The following LRRC4B variants were observed in gnomAD, a reference collection of about 807,000 sequenced individuals.
LRRC4B encodes leucine rich repeat containing 4B.
In LRRC4B, 1 loss-of-function variant was observed where a neutral mutation model predicts 7.3. That is an observed-to-expected ratio of 0.14 (90% CI 0.05 to 0.65). The LOEUF (loss-of-function observed/expected upper bound fraction) is 0.65, where lower values mean the gene tolerates loss of function less well. LRRC4B is among the 30% of genes least tolerant of loss of function. The pLI, the probability that LRRC4B is intolerant of heterozygous loss-of-function variation, is 0.84. For synonymous variants in LRRC4B, 500 were observed against 499.2 expected, an observed-to-expected ratio of 1.00 and a Z score of -0.02; for missense variants, 730 against 1,041.6, an observed-to-expected ratio of 0.70 and a Z score of 4.12.
chr19:50,518,783 G>T lies in LRRC4B; in HGVS notation c.930C>A (p.His310Gln). 11 of 1,614,128 alleles carry T rather than the reference G, an allele frequency of 6.8e-6. No homozygotes were observed. The highest frequency in any genetic ancestry group is 9.3e-6 in the Non-Finnish European group (11 of 1,179,988). The stretch of plus-strand genomic sequence containing the variant: ...CGTCGCAGTTGCAATGCCAGGGGTT[G>T]TGGTTGAGGTGCACGCGCTCGAGGC... ...LHRLERVHLN[H>Q]NPWHCNCDVL... The change falls in exon 3 of 3, where the codon CAC becomes CAA. Residue 310 changes from histidine (H) to glutamine (Q), a missense_variant. By Grantham distance (24) the His-to-Gln change is conservative (BLOSUM62 0). Around this residue, in one of 6 missense-constraint regions of LRRC4B, gnomAD observed 226 missense variants for 448.0 expected, o/e 0.50. Coordinates refer to ENST00000652263, the MANE Select transcript of LRRC4B (RefSeq NM_001080457.2).
intron 2 of LRRC4B, among the ~76,000 whole-genome samples, chr19:50,532,051 C>T (rs1372482117): frequency 1.3e-5 from 2 of 152,118 alleles, no homozygotes; most frequent in Admixed American, 6.6e-5. Flanking sequence ...GGTGAAACCT[C>T]GTCTCTACTA....
rs1267231496 is a variant in LRRC4B at position 50,556,695 on chromosome 19, G to C, written c.-35-7822C>G. On this transcript the variant is annotated intron_variant, in intron 1 of 2. Transcript: ENST00000652263. The surrounding 1 kb of genome is among the most constrained non-coding windows in gnomAD (Gnocchi z 4.2). ...CGTCCACGGCTGCATCCTCAAGGCC[G>C]GCCAACGGCGCTGGCCCCTCCGAGC... 2.0e-5 allele frequency among the ~76,000 whole-genome samples: 3 copies of C among 152,190 alleles called. No individual in the cohort carries two copies. Among genetic ancestry groups the C allele is most frequent in the Non-Finnish European group, 4.4e-5 (3 of 68,020 alleles).
intron 1 of LRRC4B, among the ~76,000 whole-genome samples, chr19:50,565,308 C>T (rs1463140370): frequency 6.6e-6 from 1 of 152,236 alleles, no homozygotes; most frequent in East Asian, 1.9e-4. Context: ...CACGAGGCCA[C>T]AGGACCACAA....
chr19:50,568,361 GC>G lies in LRRC4B; in HGVS notation c.-454del, dbSNP rs1457011337. 1.3e-5 allele frequency among the ~76,000 whole-genome samples: 1 copy of G among 74,748 alleles called. No homozygotes were observed. The highest frequency in any genetic ancestry group is 2.8e-5 in the Non-Finnish European group (1 of 35,624). The allele number at this position is 74,748 out of a possible 152,430, so 49.0% of individuals were successfully genotyped here. A position where few individuals can be genotyped will look rare whatever the true frequency, so the allele number is the denominator to read the frequency against. ...CACCCCCCCCCAGGCCCCGGCCCCG[GC>G]CCCGGCCCCCGCCTCGGACGGTGCG... On this transcript the variant is annotated 5_prime_UTR_variant, in exon 1 of 3. Transcript: ENST00000652263.
In LRRC4B at chr19:50,517,808, C is replaced by T. The variant is rs767664857; in HGVS notation, c.1905G>A (p.Ala635=). ...PAASAVSVAA[A]AAVASGGGVG... ...CACCACCCCCACTGGCCACGGCGGC[C>T]GCGGCGGCCACGGACACGGCCGAGG... The change falls in exon 3 of 3, where the codon GCG becomes GCA. Residue 635 remains alanine, a synonymous_variant. Transcript: ENST00000652263. This position sits in a 1 kb window ranked among gnomAD's most constrained non-coding sequence, Gnocchi z 6.6. 6 of 1,550,158 alleles carry T rather than the reference C, an allele frequency of 3.9e-6. No homozygotes were observed. The highest frequency in any genetic ancestry group is 2.8e-5 in the African/African-American group (2 of 71,622).
At chr19:50,554,768 A>T (rs1982215115) in intron 1 of LRRC4B, among the ~76,000 whole-genome samples, 1 of 152,194 alleles carries the variant, frequency 6.6e-6, no homozygotes, top group Admixed American at 6.5e-5. Flanking sequence ...GACTGCTATT[A>T]CACCCAGTTC....
Position 50,517,352 on chromosome 19 carries a change from G to C in LRRC4B, c.*219C>G, listed in dbSNP as rs939551238. ...CCTCCCGTCACCGGGGATTGGCGGG[G>C]GTGAGGCGAGGATCCCAGAGACTCC... On this transcript the variant is annotated 3_prime_UTR_variant, in exon 3 of 3. Coordinates refer to ENST00000652263, the MANE Select transcript of LRRC4B (RefSeq NM_001080457.2). This position sits in a 1 kb window ranked among gnomAD's most constrained non-coding sequence, Gnocchi z 6.6. The C allele has an allele frequency of 1.4e-4, 56 of 390,526 alleles. No individual in the cohort carries two copies. The highest frequency in any genetic ancestry group is 2.0e-4 in the Non-Finnish European group (45 of 223,380). The allele number at this position is 390,526 out of a possible 1,614,324, so 24.2% of individuals were successfully genotyped here. A position where few individuals can be genotyped will look rare whatever the true frequency, so the allele number is the denominator to read the frequency against.
chr19:50,530,136 A>C (rs1980989464), intron 2 of LRRC4B, among the ~76,000 whole-genome samples: 1 of 151,422 alleles, frequency 6.6e-6, no homozygotes, highest in South Asian at 2.1e-4. Flanking sequence ...GCCCCGCCTC[A>C]TCCTCTCTCC....
intron 2 of LRRC4B, among the ~76,000 whole-genome samples, chr19:50,531,413 G>A (rs1014999146): frequency 6.6e-6 from 1 of 152,178 alleles, no homozygotes; most frequent in African/African-American, 2.4e-5. Flanking sequence ...GAGGCTGCTC[G>A]GCGCTCAGCA....
intron 2 of LRRC4B, among the ~76,000 whole-genome samples, chr19:50,543,789 G>T (rs1981662159): frequency 7.0e-6 from 1 of 143,694 alleles, no homozygotes; most frequent in Admixed American, 7.2e-5. Flanking sequence ...GGAGGCAGAG[G>T]TTGCAGTGAG....
At chr19:50,528,260 C>G (rs1980904497) in intron 2 of LRRC4B, among the ~76,000 whole-genome samples, 1 of 152,060 alleles carries the variant, frequency 6.6e-6, no homozygotes, top group African/African-American at 2.4e-5. Context: ...AGCCTGGTCT[C>G]AAACTCCTGG....
intron 1 of LRRC4B, among the ~76,000 whole-genome samples, chr19:50,558,240 T>C (rs1241673844): frequency 8.1e-5 from 11 of 135,678 alleles, no homozygotes; most frequent in Non-Finnish European, 1.1e-4. Flanking sequence ...CACACACACA[T>C]ACATACATAC....
rs1980361832 is a variant in LRRC4B at position 50,517,915 on chromosome 19, G to A, written c.1798C>T (p.Arg600Cys). ...AVMLVAFYKL[R>C]KQHQLHKHHG... ...TGCTTGTGGAGCTGGTGCTGCTTGC[G>A]CAGCTTGTAGAAGGCCACGAGCATC... The change falls in exon 3 of 3, where the codon CGC becomes TGC. Residue 600 changes from arginine to cysteine, a missense_variant. This residue lies in a region of LRRC4B where 160 missense variants were observed against 163.9 expected (regional missense o/e 0.98). Coordinates refer to ENST00000652263, the MANE Select transcript of LRRC4B (RefSeq NM_001080457.2). The surrounding 1 kb of genome is among the most constrained non-coding windows in gnomAD (Gnocchi z 6.6). 2.5e-6 allele frequency: 4 copies of A among 1,578,956 alleles called. No homozygotes were observed. The highest frequency in any genetic ancestry group is 2.0e-5 in the Admixed American group (1 of 50,544).
rs1568715965 is a variant in LRRC4B, at chr19:50,520,224, AAAAAAAAAAAAAAAAAAAAAAAAGAAG to A, written c.298-836_298-810del. ...CTGTCAAAAAAAAAAAAAAAAAAAA[AAAAAAAAAAAAAAAAAAAAAAAAGAAG>A]AAAAGAAAAGAAAAATGAACAAACA... On this transcript the variant is annotated intron_variant, in intron 2 of 2. Coordinates refer to ENST00000652263, the MANE Select transcript of LRRC4B (RefSeq NM_001080457.2). 1.6e-3 allele frequency among the ~76,000 whole-genome samples: 115 copies of A among 72,640 alleles called. 22 individuals are homozygous for A. The highest frequency in any genetic ancestry group is 5.3e-3 in the African/African-American group (90 of 16,832). 47.7% of individuals were successfully genotyped at this position (72,640 alleles called of 152,430 possible).
At chr19:50,521,476 G>A (rs1233618340) in intron 2 of LRRC4B, among the ~76,000 whole-genome samples, 3 of 152,140 alleles carry the variant, frequency 2.0e-5, no homozygotes, top group African/African-American at 7.2e-5. Context: ...CACCCAGGCT[G>A]GAGTGCAGTT....
rs181707966 is a variant in LRRC4B, at chr19:50,543,039, C to T, written c.297+5503G>A. On this transcript the variant is annotated intron_variant, in intron 2 of 2. Transcript: ENST00000652263. ...CCCCCCAGAGCTCACGGGAGGGCGT[C>T]GCAGGGATTCGCGTCGGCTCCCACC... 5.6e-3 allele frequency among the ~76,000 whole-genome samples: 850 copies of T among 152,190 alleles called. 11 individuals are homozygous for T. The highest frequency in any genetic ancestry group is 0.019 in the African/African-American group (771 of 41,522).
Position 50,517,884 on chromosome 19 carries a change from C to T in LRRC4B, c.1829G>A (p.Gly610Glu). The change falls in exon 3 of 3, where the codon GGG becomes GAG. Residue 610 changes from glycine to glutamate, a missense_variant. Gly to Glu is a moderately conservative substitution (Grantham distance 98, BLOSUM62 -2). Around this residue, in one of 6 missense-constraint regions of LRRC4B, gnomAD observed 160 missense variants for 163.9 expected, o/e 0.98. Transcript: ENST00000652263. The surrounding 1 kb of genome is among the most constrained non-coding windows in gnomAD (Gnocchi z 6.6). Reference sequence around the variant, plus strand: ...GATGATCTCCACGGTGCGCGTGGGCCCGTGGTGCTTGTGGAGCTGGTGCTG... The same window carrying T: ...GATGATCTCCACGGTGCGCGTGGGCTCGTGGTGCTTGTGGAGCTGGTGCTG... The part of the protein sequence containing the change: ...RKQHQLHKHH[G>E]PTRTVEIINV... 2 of 1,596,032 alleles carry T rather than the reference C, an allele frequency of 1.3e-6. No individual in the cohort carries two copies. The highest frequency in any genetic ancestry group is 1.7e-6 in the Non-Finnish European group (2 of 1,174,082).
chr19:50,548,461 G>T lies in LRRC4B; in HGVS notation c.297+81C>A. On this transcript the variant is annotated intron_variant, in intron 2 of 2. Transcript: ENST00000652263. This position sits in a 1 kb window ranked among gnomAD's most constrained non-coding sequence, Gnocchi z 6.8. ...AGACGGGGAAGCCCCGGTGTGGGGA[G>T]GCCCAGAAGGGATGGGCTACATCTG... The T allele has an allele frequency of 6.6e-7, 1 of 1,513,328 alleles. No homozygotes were observed. Among genetic ancestry groups the T allele is most frequent in the Non-Finnish European group, 8.9e-7 (1 of 1,128,878 alleles). 93.7% of individuals were successfully genotyped at this position (1,513,328 alleles called of 1,614,324 possible). A position where few individuals can be genotyped will look rare whatever the true frequency, so the allele number is the denominator to read the frequency against.
In LRRC4B at chr19:50,530,229, C is replaced by T. The variant is rs1199519788; in HGVS notation, c.298-10814G>A. 2.0e-5 allele frequency among the ~76,000 whole-genome samples: 3 copies of T among 152,184 alleles called. No homozygotes were observed. In the South Asian group the frequency reaches 6.2e-4, roughly 31 times the overall value. ...GGGGTCCTGCTATGCCAGAGCTGAC[C>T]CTGCCTCTGCCCTCCTCTAGACGCC... is the stretch of plus-strand genomic sequence containing the variant. On this transcript the variant is annotated intron_variant, in intron 2 of 2. Coordinates refer to ENST00000652263, the MANE Select transcript of LRRC4B (RefSeq NM_001080457.2).
Sources: allele counts gnomAD v4.1 joint callset (sites outside exome capture counted in the v4.1 genomes callset), GRCh38; gene constraint gnomAD v4.1.1; regional missense constraint gnomAD v4.1.1; non-coding constraint Gnocchi (gnomAD v3.1); transcripts MANE v1.5; gene names NCBI Gene and HGNC (gene_info 2026-07-23, HGNC 2026-07-21).